DENND1A: variants seen among roughly 807,000 people sequenced by gnomAD.
The protein encoded by DENND1A is DENN domain-containing protein 1A.
A neutral mutation model predicts 113.7 loss-of-function variants in DENND1A; 51 were observed. The observed-to-expected ratio is 0.45, with a 90% CI of 0.36 to 0.57. The LOEUF (loss-of-function observed/expected upper bound fraction) is 0.57, where lower values mean the gene tolerates loss of function less well. Ranked by LOEUF, DENND1A falls within the 20% of genes least tolerant of loss-of-function variation. The pLI is 0.00. For synonymous variants in DENND1A, 565 were observed against 570.8 expected, an observed-to-expected ratio of 0.99 and a Z score of 0.14; for missense variants, 1,258 against 1,395.9, an observed-to-expected ratio of 0.90 and a Z score of 1.57.
chr9:123,815,034 A>G (rs1019136912), intron 2 of DENND1A, among the ~76,000 whole-genome samples: 1 of 152,248 alleles, frequency 6.6e-6, no homozygotes, highest in Non-Finnish European at 1.5e-5. Flanking sequence ...AAAATATAAA[A>G]CTAAAAACAA....
intron 5 of DENND1A, among the ~76,000 whole-genome samples, chr9:123,685,390 A>T (rs966930388): frequency 6.6e-6 from 1 of 152,218 alleles, no homozygotes; most frequent in Non-Finnish European, 1.5e-5. Flanking sequence ...TCCATAATTA[A>T]TGTCCCATTG....
intron 2 of DENND1A, among the ~76,000 whole-genome samples, chr9:123,828,583 T>C (rs907043430): frequency 6.8e-6 from 1 of 146,320 alleles, no homozygotes; most frequent in African/African-American, 2.6e-5. Context: ...ACACCTACAC[T>C]AATCATAGTG....
intron 2 of DENND1A, among the ~76,000 whole-genome samples, chr9:123,822,260 T>C (rs1278129537): frequency 1.3e-5 from 2 of 152,236 alleles, no homozygotes; most frequent in Non-Finnish European, 2.9e-5. Context: ...AATTTCTTTA[T>C]GATAAACACA....
chr9:123,448,865 T>A (rs2047498415), intron 18 of DENND1A, among the ~76,000 whole-genome samples: 1 of 152,242 alleles, frequency 6.6e-6, no homozygotes, highest in African/African-American at 2.4e-5. Context: ...TAGAGGTCCT[T>A]TCTGACTTCA....
At chr9:123,531,685 C>T (rs2055336408) in intron 13 of DENND1A, among the ~76,000 whole-genome samples, 1 of 151,282 alleles carries the variant, frequency 6.6e-6, no homozygotes. Flanking sequence ...ATCCTTTTAC[C>T]CTCAAATACT....
At chr9:123,739,871 G>A (rs1265818837) in intron 5 of DENND1A, among the ~76,000 whole-genome samples, 1 of 150,412 alleles carries the variant, frequency 6.6e-6, no homozygotes, top group East Asian at 1.9e-4. Flanking sequence ...CTACACACCA[G>A]AGTTCTTCAT....
chr9:123,464,454 A>C (rs537141564), intron 13 of DENND1A, among the ~76,000 whole-genome samples: 36 of 152,334 alleles, frequency 2.4e-4, no homozygotes, highest in African/African-American at 7.7e-4. Context: ...AATCTTGAAG[A>C]CATTACGTGA....
intron 21 of DENND1A, among the ~76,000 whole-genome samples, chr9:123,397,430 A>G (rs1366995492): frequency 6.6e-6 from 1 of 152,250 alleles, no homozygotes; most frequent in African/African-American, 2.4e-5. Flanking sequence ...ACTGGGATAC[A>G]AGCATGAGCC....
intron 1 of DENND1A, among the ~76,000 whole-genome samples, chr9:123,922,823 G>A (rs1052861801): frequency 6.6e-5 from 10 of 152,096 alleles, no homozygotes; most frequent in South Asian, 2.1e-4. Flanking sequence ...CATAACCAAC[G>A]TCCAAATGAA....
chr9:123,642,001 T>A (rs965773801), intron 9 of DENND1A, among the ~76,000 whole-genome samples: 2 of 152,162 alleles, frequency 1.3e-5, no homozygotes, highest in Admixed American at 6.5e-5. Flanking sequence ...GTGCTTGATG[T>A]TTGTTGAAGC....
Position 123,651,264 on chromosome 9 carries a change from A to G in DENND1A, c.618+749T>C, listed in dbSNP as rs557095933. ...AGGATATTAACAAAATACAAATAAA[A>G]AAATAAACCCATGGAAAATATTCAG... On this transcript the variant is annotated intron_variant, in intron 9 of 23. Transcript: ENST00000394215. Among the ~76,000 whole-genome samples the G allele has an allele frequency of 4.5e-4, 69 of 152,366 alleles. No individual in the cohort carries two copies. The South Asian group carries it at 0.013, about 30-fold the overall frequency.
At chr9:123,387,634 A>T in intron 22 of DENND1A, 96 bp downstream of exon 22, 57 of 711,162 alleles carry the variant, frequency 8.0e-5, no homozygotes, top group Non-Finnish European at 1.1e-4. Flanking sequence ...CCTCCCCCCG[A>T]CACAAAGGCA....
chr9:123,724,273 A>G (rs1399410099), intron 5 of DENND1A, among the ~76,000 whole-genome samples: 1 of 152,240 alleles, frequency 6.6e-6, no homozygotes, highest in Non-Finnish European at 1.5e-5. Flanking sequence ...GGGAGCATCC[A>G]GGAGATCAAA....
chr9:123,672,835 T>C (rs2063832358), intron 6 of DENND1A, among the ~76,000 whole-genome samples: 1 of 152,212 alleles, frequency 6.6e-6, no homozygotes, highest in South Asian at 2.1e-4. Context: ...GGTATTCTGT[T>C]ATAGCAGCAG....
At chr9:123,911,327 G>C (rs1348391486) in intron 1 of DENND1A, among the ~76,000 whole-genome samples, 3 of 152,172 alleles carry the variant, frequency 2.0e-5, no homozygotes, top group Non-Finnish European at 4.4e-5. Flanking sequence ...AGCTGATGAG[G>C]TATGAATTGG....
At chr9:123,813,212 C>G (rs2132480165) in intron 2 of DENND1A, among the ~76,000 whole-genome samples, 1 of 152,342 alleles carries the variant, frequency 6.6e-6, no homozygotes, top group Non-Finnish European at 1.5e-5. Flanking sequence ...ATCTTCCTGT[C>G]TCAGCCTCCC....
At chr9:123,700,704 T>C (rs1413434999) in intron 5 of DENND1A, among the ~76,000 whole-genome samples, 3 of 152,196 alleles carry the variant, frequency 2.0e-5, no homozygotes, top group Non-Finnish European at 2.9e-5. Flanking sequence ...TAAATGTTAG[T>C]TAGATTTAAA....
intron 11 of DENND1A, among the ~76,000 whole-genome samples, chr9:123,606,429 C>T (rs1007900504): frequency 5.3e-5 from 8 of 152,214 alleles, no homozygotes; most frequent in East Asian, 1.9e-4. Context: ...TCTCCCTTAA[C>T]GCCCTTCAAA....
chr9:123,783,457 G>A (rs1398366283), intron 3 of DENND1A, among the ~76,000 whole-genome samples: 2 of 152,120 alleles, frequency 1.3e-5, no homozygotes, highest in African/African-American at 4.8e-5. Flanking sequence ...AGGTTACTTT[G>A]CTGCCTTACT....
Sources: allele counts gnomAD v4.1 joint callset (sites outside exome capture counted in the v4.1 genomes callset), GRCh38; gene constraint gnomAD v4.1.1; transcripts MANE v1.5; gene names NCBI Gene and HGNC (gene_info 2026-07-23, HGNC 2026-07-21).